Variants in ANKRD6 observed in about 807,000 individuals in gnomAD.
ANKRD6 encodes ankyrin repeat domain 6.
In ANKRD6, 56 loss-of-function variants were observed where a neutral mutation model predicts 82.3. That is an observed-to-expected ratio of 0.68 (90% CI 0.55 to 0.85). The LOEUF is 0.85. ANKRD6 is among the 40% of genes least tolerant of loss of function. The pLI is 0.00. For missense variants in ANKRD6, 852 were observed against 907.6 expected, an observed-to-expected ratio of 0.94 and a Z score of 0.79; for synonymous variants, 347 against 352.1, an observed-to-expected ratio of 0.99 and a Z score of 0.16.
chr6:89,463,665 C>T lies in ANKRD6; in HGVS notation c.-144+30290C>T, dbSNP rs530088123. ...CTGGGTTCAAGCAATTCTCCTGCCTCAGCCTCCCGAGTAGCTGGGATTACA... is the reference window on the plus strand; with the variant it reads ...CTGGGTTCAAGCAATTCTCCTGCCTTAGCCTCCCGAGTAGCTGGGATTACA... On this transcript the variant is annotated intron_variant, in intron 1 of 15. Transcript: ENST00000339746. 3.8e-4 allele frequency among the ~76,000 whole-genome samples: 58 copies of T among 152,232 alleles called. 1 individual carries two copies. The East Asian group carries it at 0.01, about 27-fold the overall frequency.
intron 1 of ANKRD6, among the ~76,000 whole-genome samples, chr6:89,458,084 T>C (rs1254678490): frequency 6.6e-6 from 1 of 152,222 alleles, no homozygotes; most frequent in East Asian, 1.9e-4. Flanking sequence ...CCAAATCTTC[T>C]GGTTTCTTCA....
chr6:89,462,387 A>G (rs1443948100), intron 1 of ANKRD6, among the ~76,000 whole-genome samples: 1 of 152,076 alleles, frequency 6.6e-6, no homozygotes, highest in Non-Finnish European at 1.5e-5. Context: ...TGAATAATAA[A>G]CAGTTTTTTC....
chr6:89,596,341 A>G (rs1215753005), intron 3 of ANKRD6, among the ~76,000 whole-genome samples: 1 of 152,154 alleles, frequency 6.6e-6, no homozygotes, highest in Non-Finnish European at 1.5e-5. Flanking sequence ...GCATAAAGAG[A>G]CACACACATG....
chr6:89,495,576 A>C (rs1433059947), intron 1 of ANKRD6, among the ~76,000 whole-genome samples: 1 of 152,132 alleles, frequency 6.6e-6, no homozygotes, highest in Admixed American at 6.5e-5. Flanking sequence ...GCTCCTGCTG[A>C]TGTTTCAGGT....
intron 1 of ANKRD6, among the ~76,000 whole-genome samples, chr6:89,492,549 T>C (rs1354791243): frequency 1.3e-5 from 2 of 152,196 alleles, no homozygotes; most frequent in Non-Finnish European, 2.9e-5. Context: ...CACTAGAGGG[T>C]TGCCTTAGCC....
intron 1 of ANKRD6, among the ~76,000 whole-genome samples, chr6:89,494,987 C>A (rs886664356): frequency 1.3e-5 from 2 of 152,154 alleles, no homozygotes; most frequent in Admixed American, 1.3e-4. Flanking sequence ...GTAATCCCAG[C>A]ACTTTGGGAG....
rs544966644 is a variant in ANKRD6 at position 89,608,719 on chromosome 6, C to T, written c.417+2614C>T. ...ATGCCTTCGTCATTTTCATCCGTCT[C>T]CCCTCTCCAGTCCCTCATTACATCT... On this transcript the variant is annotated intron_variant, in intron 5 of 15. Coordinates refer to ENST00000339746, the MANE Select transcript of ANKRD6 (RefSeq NM_001242809.2). 2.0e-5 allele frequency among the ~76,000 whole-genome samples: 3 copies of T among 152,272 alleles called. No individual in the cohort carries two copies. In the East Asian group the frequency reaches 5.8e-4, roughly 29 times the overall value.
At chr6:89,546,009 G>A (rs763437122) in intron 1 of ANKRD6, among the ~76,000 whole-genome samples, 19 of 152,096 alleles carry the variant, frequency 1.2e-4, no homozygotes, top group Non-Finnish European at 2.4e-4. Flanking sequence ...GGGTTTCACC[G>A]TGTTATCCAG....
chr6:89,496,267 G>A (rs573633514), intron 1 of ANKRD6, among the ~76,000 whole-genome samples: 1 of 152,052 alleles, frequency 6.6e-6, no homozygotes, highest in East Asian at 1.9e-4. Flanking sequence ...TGCCTGTGAA[G>A]GGGTGTGAGG....
chr6:89,463,549 C>T (rs1314789151), intron 1 of ANKRD6, among the ~76,000 whole-genome samples: 3 of 152,078 alleles, frequency 2.0e-5, no homozygotes, highest in African/African-American at 7.2e-5. Flanking sequence ...AGTTGGAGAC[C>T]TTATAACTTT....
chr6:89,578,975 GCAGA>G (rs1320551040), intron 2 of ANKRD6, among the ~76,000 whole-genome samples: 31 of 152,188 alleles, frequency 2.0e-4, no homozygotes, highest in Non-Finnish European at 4.4e-5. Flanking sequence ...ACCCCTCAGT[GCAGA>G]CAGAGAAAGA....
intron 1 of ANKRD6, among the ~76,000 whole-genome samples, chr6:89,564,768 C>T (rs1484331313): frequency 6.6e-6 from 1 of 151,902 alleles, no homozygotes; most frequent in Non-Finnish European, 1.5e-5. Flanking sequence ...GGCTGTTGTA[C>T]TTGAGACATT....
At chr6:89,476,900 T>C (rs1776101322) in intron 1 of ANKRD6, among the ~76,000 whole-genome samples, 1 of 152,266 alleles carries the variant, frequency 6.6e-6, no homozygotes, top group African/African-American at 2.4e-5. Flanking sequence ...TTTTAAACTC[T>C]TTTCAAATAT....
intron 15 of ANKRD6, among the ~76,000 whole-genome samples, chr6:89,629,887 A>G (rs1243065845): frequency 7.9e-5 from 12 of 152,286 alleles, no homozygotes; most frequent in South Asian, 4.2e-4. Flanking sequence ...ACATGGGGAA[A>G]CATCCCAGGA....
intron 3 of ANKRD6, chr6:89,601,915 A>C (rs889203445): frequency 6.6e-6 from 1 of 152,156 alleles, no homozygotes; most frequent in Admixed American, 6.5e-5. Flanking sequence ...GCCAAGCACC[A>C]GGGACGCCCC....
At chr6:89,519,611 A>G (rs1398835645) in intron 1 of ANKRD6, among the ~76,000 whole-genome samples, 1 of 152,226 alleles carries the variant, frequency 6.6e-6, no homozygotes, top group African/African-American at 2.4e-5. Context: ...ATAAGTAGGC[A>G]GTTGGCTATT....
Position 89,621,919 on chromosome 6 carries a change from C to T in ANKRD6, c.793-3C>T. 6.2e-7 allele frequency: 1 copy of T among 1,613,874 alleles called. No homozygotes were observed. Among genetic ancestry groups the T allele is most frequent in the Non-Finnish European group, 8.5e-7 (1 of 1,179,774 alleles). ...TTGTAACAATGCCGTTTGCCTCCTTCAGGTCTTGCGCTTCAGTCGTGGGCG... is the reference window on the plus strand; with the variant it reads ...TTGTAACAATGCCGTTTGCCTCCTTTAGGTCTTGCGCTTCAGTCGTGGGCG... On this transcript the variant is annotated splice_region_variant and splice_polypyrimidine_tract_variant and intron_variant, in intron 9 of 15. Transcript: ENST00000339746.
chr6:89,487,148 A>G (rs1777474104), intron 1 of ANKRD6, among the ~76,000 whole-genome samples: 1 of 152,220 alleles, frequency 6.6e-6, no homozygotes, highest in South Asian at 2.1e-4. Context: ...ACTCATCTGT[A>G]TAATGGGGAG....
chr6:89,469,089 A>G (rs1301523419), intron 1 of ANKRD6, among the ~76,000 whole-genome samples: 2 of 152,168 alleles, frequency 1.3e-5, no homozygotes. Context: ...GAGGGAAGAG[A>G]GGAGGATGCA....
Sources: allele counts gnomAD v4.1 joint callset (sites outside exome capture counted in the v4.1 genomes callset), GRCh38; gene constraint gnomAD v4.1.1; transcripts MANE v1.5; gene names NCBI Gene and HGNC (gene_info 2026-07-23, HGNC 2026-07-21).